The following DNAH6 variants were observed in gnomAD, a reference collection of about 807,000 sequenced individuals.
The protein encoded by DNAH6 is dynein axonemal heavy chain 6.
DNAH6 carries 340 observed loss-of-function variants against 491.4 expected under a neutral mutation model. That is an observed-to-expected ratio of 0.69 (90% CI 0.63 to 0.76). The LOEUF is 0.76. Among genes scored for constraint, DNAH6 ranks in the 30% least tolerant of loss-of-function variants. The pLI is 0.00. For missense variants in DNAH6, 4,443 were observed against 4,972.2 expected, an observed-to-expected ratio of 0.89 and a Z score of 3.20; for synonymous variants, 1,603 against 1,686.1, an observed-to-expected ratio of 0.95 and a Z score of 1.21.
In DNAH6 at chr2:84,621,378, A is replaced by G. The variant is rs775266894; in HGVS notation, c.3957+23A>G. On this transcript the variant is annotated intron_variant, in intron 25 of 76. Coordinates refer to ENST00000389394, the MANE Select transcript of DNAH6 (RefSeq NM_001370.2). ...CAAGTAACTCACACTCACATTTCAT[A>G]TCCCTGAATTCTTATTTGGTGATAT... is the stretch of plus-strand genomic sequence containing the variant. 3 of 1,549,754 alleles carry G rather than the reference A, an allele frequency of 1.9e-6. No homozygotes were observed. In the South Asian group the frequency reaches 3.6e-5, roughly 18 times the overall value.
intron 62 of DNAH6, among the ~76,000 whole-genome samples, chr2:84,738,060 T>C (rs1228082766): frequency 6.6e-6 from 1 of 152,166 alleles, no homozygotes; most frequent in Admixed American, 6.5e-5. Context: ...TGTTTTCATC[T>C]GTTTCAAAAA....
intron 71 of DNAH6, among the ~76,000 whole-genome samples, chr2:84,806,618 CAAAAAAAAAAAA>C (rs1162301447): frequency 7.8e-5 from 3 of 38,502 alleles, no homozygotes; most frequent in South Asian, 1.0e-3. Flanking sequence ...GACTCAGTCT[CAAAAAAAAAAAA>C]AAAAAAAAAA....
At chr2:84,567,216 A>G (rs1476402391) in intron 11 of DNAH6, among the ~76,000 whole-genome samples, 2 of 152,148 alleles carry the variant, frequency 1.3e-5, no homozygotes, top group Non-Finnish European at 2.9e-5. Flanking sequence ...GCTGAGGGCT[A>G]ATATTTCCAA....
intron 2 of DNAH6, among the ~76,000 whole-genome samples, chr2:84,524,835 C>T (rs1676465423): frequency 6.6e-6 from 1 of 152,026 alleles, no homozygotes; most frequent in Non-Finnish European, 1.5e-5. Context: ...CTATTTAGCA[C>T]TATTACATAA....
chr2:84,568,090 T>G (rs1468874988), intron 11 of DNAH6, among the ~76,000 whole-genome samples: 5 of 152,086 alleles, frequency 3.3e-5, no homozygotes, highest in Non-Finnish European at 7.4e-5. Context: ...CAGATGATGG[T>G]GAGGCTGTGG....
chr2:84,736,119 T>C (rs1052983577), intron 62 of DNAH6, among the ~76,000 whole-genome samples: 1 of 152,188 alleles, frequency 6.6e-6, no homozygotes, highest in African/African-American at 2.4e-5. Context: ...GAGTATTCTT[T>C]CCACATTATT....
intron 15 of DNAH6, among the ~76,000 whole-genome samples, chr2:84,588,111 T>C (rs1041434237): frequency 3.9e-5 from 6 of 152,204 alleles, no homozygotes; most frequent in African/African-American, 1.4e-4. Flanking sequence ...CTGCATATCA[T>C]GCCAAGTCAC....
At chr2:84,487,363 C>T in the DNAH6 span, among the ~76,000 whole-genome samples, 1 of 152,140 alleles carries the variant, frequency 6.6e-6, no homozygotes, top group Non-Finnish European at 1.5e-5. Context: ...ATCCAGGCAC[C>T]ACAGTTATCA....
chr2:84,510,017 T>G, the DNAH6 span, among the ~76,000 whole-genome samples: 1 of 152,228 alleles, frequency 6.6e-6, no homozygotes, highest in Non-Finnish European at 1.5e-5. Context: ...ATTTTTTCCT[T>G]CATTTCAACT....
At chr2:84,712,485 A>G (rs950231420) in intron 56 of DNAH6, among the ~76,000 whole-genome samples, 1 of 152,232 alleles carries the variant, frequency 6.6e-6, no homozygotes, top group African/African-American at 2.4e-5. Context: ...GGAAAAAGGC[A>G]TAACTATCAT....
At chr2:84,570,526 AG>A (rs1274209211) in intron 11 of DNAH6, among the ~76,000 whole-genome samples, 2 of 152,240 alleles carry the variant, frequency 1.3e-5, no homozygotes, top group Non-Finnish European at 2.9e-5. Flanking sequence ...GGCACCAGTC[AG>A]CACTCTGTGA....
intron 62 of DNAH6, among the ~76,000 whole-genome samples, chr2:84,741,297 G>A (rs780015354): frequency 2.6e-5 from 4 of 152,256 alleles, no homozygotes; most frequent in Non-Finnish European, 2.9e-5. Context: ...CAGGGAGGGC[G>A]GATCACTGCC....
chr2:84,618,667 CCTATT>C (rs1424544581), intron 23 of DNAH6, among the ~76,000 whole-genome samples: 11 of 151,320 alleles, frequency 7.3e-5, no homozygotes, highest in African/African-American at 2.7e-4. Context: ...ATTGCTGTAA[CCTATT>C]CTAGTATGAA....
At chr2:84,537,363 T>C (rs1454033112) in intron 4 of DNAH6, among the ~76,000 whole-genome samples, 26 of 152,042 alleles carry the variant, frequency 1.7e-4, no homozygotes, top group Non-Finnish European at 1.5e-5. Context: ...TCTATGCTTA[T>C]GGGGTTATTG....
chr2:84,736,675 T>C (rs1699563697), intron 62 of DNAH6, among the ~76,000 whole-genome samples: 1 of 152,178 alleles, frequency 6.6e-6, no homozygotes, highest in South Asian at 2.1e-4. Flanking sequence ...TTTTTGTACA[T>C]TCATTTTATA....
chr2:84,663,139 A>C (rs1399408000), intron 37 of DNAH6, among the ~76,000 whole-genome samples: 1 of 152,226 alleles, frequency 6.6e-6, no homozygotes, highest in Non-Finnish European at 1.5e-5. Flanking sequence ...ATGGGGAGAA[A>C]CCAGAGCAGA....
intron 58 of DNAH6, 98 bp downstream of exon 58, chr2:84,715,725 A>G: frequency 8.6e-7 from 1 of 1,159,712 alleles, no homozygotes; most frequent in Non-Finnish European, 1.2e-6. Flanking sequence ...CTGCTGTGTA[A>G]GAGCACTACA....
At chr2:84,564,914 A>G (rs1006260562) in intron 11 of DNAH6, among the ~76,000 whole-genome samples, 1 of 152,120 alleles carries the variant, frequency 6.6e-6, no homozygotes, top group Non-Finnish European at 1.5e-5. Flanking sequence ...GTTGGATTTT[A>G]TCAAAAGCTG....
chr2:84,811,359 G>T (rs1409780369), intron 72 of DNAH6, among the ~76,000 whole-genome samples: 1 of 152,158 alleles, frequency 6.6e-6, no homozygotes, highest in Non-Finnish European at 1.5e-5. Context: ...ACCCATGGGG[G>T]CCATAACCCA....
Sources: allele counts gnomAD v4.1 joint callset (sites outside exome capture counted in the v4.1 genomes callset), GRCh38; gene constraint gnomAD v4.1.1; transcripts MANE v1.5; gene names NCBI Gene and HGNC (gene_info 2026-07-23, HGNC 2026-07-21).